MCFD2: variants seen among roughly 807,000 people sequenced by gnomAD.
MCFD2 encodes multiple coagulation factor deficiency 2, ER cargo receptor complex subunit.
Under a neutral mutation model 12.8 loss-of-function variants are expected in MCFD2, and 11 were observed. The observed-to-expected ratio is 0.86, with a 90% CI of 0.54 to 1.42. The LOEUF is 1.42. Ranked by LOEUF, MCFD2 falls within the 40% of genes most tolerant of loss-of-function variation. The pLI is 0.00. For missense variants in MCFD2, 191 were observed against 178.6 expected (o/e 1.07, Z -0.40); for synonymous variants, 70 against 68.1 (o/e 1.03, Z -0.14).
chr2:46,915,807 C>CGGGGGGGGGGGCG, upstream of MCFD2: 1 of 84,836 alleles, frequency 1.2e-5, no homozygotes, highest in Non-Finnish European at 1.5e-5. Context: ...CTCGGCTTCG[C>CGGGGGGGGGGGCG]CCCGCCCCCC....
chr2:46,937,881 G>C lies in MCFD2; in HGVS notation c.-8+3691C>G, dbSNP rs1457792715. Among the ~76,000 whole-genome samples, 2 of 152,190 alleles carry C rather than the reference G, an allele frequency of 1.3e-5. No individual in the cohort carries two copies. The highest frequency in any genetic ancestry group is 2.9e-5 in the Non-Finnish European group (2 of 68,034). ...TGCTGTAATTAGTTCTTTGTCAAGA[G>C]AGAAGTCTGTTCAGCAGGTCATGGA... On this transcript the variant is annotated intron_variant, in intron 1 of 2. Transcript: ENST00000409147. This position sits in a 1 kb window ranked among gnomAD's most constrained non-coding sequence, Gnocchi z 4.0.
chr2:46,905,681 A>G, intron 3 of MCFD2, 87 bp from the exon 4 acceptor site: 1 of 925,498 alleles, frequency 1.1e-6, no homozygotes, highest in East Asian at 2.6e-5. Flanking sequence ...ATGTTCTTTC[A>G]TGGCACTGTT....
Position 46,905,015 on chromosome 2 carries a change from A to C in MCFD2, c.*448T>G, listed in dbSNP as rs1668159513. ...CATGCTATTCTTGTGATAGTGAATAAGTTTCACAAGATCTGATGGCTTATC... is the reference window on the plus strand; with the variant it reads ...CATGCTATTCTTGTGATAGTGAATACGTTTCACAAGATCTGATGGCTTATC... On this transcript the variant is annotated 3_prime_UTR_variant, in exon 4 of 4. Coordinates refer to ENST00000319466, the MANE Select transcript of MCFD2 (RefSeq NM_139279.6). 6 of 272,070 alleles carry C rather than the reference A, an allele frequency of 2.2e-5. No individual in the cohort carries two copies. In the South Asian group the frequency reaches 2.5e-4, roughly 11 times the overall value. The allele number at this position is 272,070 out of a possible 1,614,324, so 16.9% of individuals were successfully genotyped here.
chr2:46,923,775 C>T (rs1291940612), intron 1 of MCFD2, among the ~76,000 whole-genome samples: 1 of 151,996 alleles, frequency 6.6e-6, no homozygotes, highest in Non-Finnish European at 1.5e-5. Flanking sequence ...TCTTGTCCAC[C>T]AGGCTGGAGT....
Position 46,915,740 on chromosome 2 carries a change from C to T in MCFD2, c.-24G>A. On this transcript the variant is annotated 5_prime_UTR_variant, in exon 1 of 4. Coordinates refer to ENST00000319466, the MANE Select transcript of MCFD2 (RefSeq NM_139279.6). ...TCACTCACCCTTACGGTCTCCGAAG[C>T]AGACGCGAAGCCCTCCAACGTGAGC... The T allele has an allele frequency of 1.0e-6, 1 of 980,494 alleles. No homozygotes were observed. Among genetic ancestry groups the T allele is most frequent in the Non-Finnish European group, 1.2e-6 (1 of 826,116 alleles). The allele number at this position is 980,494 out of a possible 1,614,324, so 60.7% of individuals were successfully genotyped here.
At chr2:46,906,119 G>A (rs904443791) in intron 3 of MCFD2, 24 of 410,236 alleles carry the variant, frequency 5.9e-5, no homozygotes, top group Admixed American at 3.9e-4. Context: ...CAGGGTTAGT[G>A]GGCTGAGGCT....
chr2:46,930,909 A>T (rs112344315), intron 1 of MCFD2, among the ~76,000 whole-genome samples: 4,183 of 152,322 alleles, frequency 0.027, 112 homozygotes, highest in African/African-American at 0.067. Flanking sequence ...AAAAGAAAAA[A>T]ATATATATAC....
intron 1 of MCFD2, among the ~76,000 whole-genome samples, chr2:46,928,845 G>C (rs71423929): frequency 1.2e-4 from 18 of 152,196 alleles, no homozygotes; most frequent in East Asian, 3.9e-4. Flanking sequence ...AGAGGGGTAG[G>C]GGGGGAAGCT....
chr2:46,929,354 G>A (rs1669572638), intron 1 of MCFD2, among the ~76,000 whole-genome samples: 1 of 152,034 alleles, frequency 6.6e-6, no homozygotes, highest in African/African-American at 2.4e-5. Context: ...GGCTGTGGTG[G>A]TACACACCTG....
At chr2:46,926,886 A>T (rs931336312) in intron 1 of MCFD2, among the ~76,000 whole-genome samples, 13 of 152,246 alleles carry the variant, frequency 8.5e-5, no homozygotes, top group African/African-American at 3.1e-4. Context: ...AAATTTAAAA[A>T]TTTTCACATG....
At chr2:46,914,568 G>GT (rs1359757598) in intron 1 of MCFD2, among the ~76,000 whole-genome samples, 1 of 152,092 alleles carries the variant, frequency 6.6e-6, no homozygotes, top group Non-Finnish European at 1.5e-5. Context: ...GGAGCCCAAG[G>GT]AGCACCCATG....
chr2:46,916,172 C>T (rs1346476619), upstream of MCFD2: 3 of 985,224 alleles, frequency 3.0e-6, no homozygotes, highest in African/African-American at 1.7e-5. Flanking sequence ...ATACAGGGCT[C>T]TTGGTTCAGG....
chr2:46,941,782 C>T lies in MCFD2; in HGVS notation c.-218G>A, dbSNP rs1670419658. 4 of 1,543,652 alleles carry T rather than the reference C, an allele frequency of 2.6e-6. No homozygotes were observed. The South Asian group carries it at 4.8e-5, about 18-fold the overall frequency. On this transcript the variant is annotated 5_prime_UTR_variant, in exon 1 of 3. Coordinates refer to the MCFD2 transcript ENST00000409147. This position sits in a 1 kb window ranked among gnomAD's most constrained non-coding sequence, Gnocchi z 4.2. ...GCGAGCGCGCGAAACGCACCGCCTCCTCCAGGAAGCGCGCCCAGACAGTCC... is the reference window on the plus strand; with the variant it reads ...GCGAGCGCGCGAAACGCACCGCCTCTTCCAGGAAGCGCGCCCAGACAGTCC...
At position 46,907,674 on chromosome 2, in the gene MCFD2, G is replaced by T; in HGVS notation, c.309+136C>A. The T allele has an allele frequency of 1.0e-6, 1 of 962,856 alleles. No individual in the cohort carries two copies. The highest frequency in any genetic ancestry group is 1.6e-6 in the Non-Finnish European group (1 of 615,258). 59.6% of individuals were successfully genotyped at this position (962,856 alleles called of 1,614,324 possible). ...GGCCTCCCAAAGTGCTGGGATTACAGATGCGAGCCATCATGCCCAGTGGAG... is the reference window on the plus strand; with the variant it reads ...GGCCTCCCAAAGTGCTGGGATTACATATGCGAGCCATCATGCCCAGTGGAG... On this transcript the variant is annotated intron_variant, in intron 3 of 3. Transcript: ENST00000319466. The surrounding 1 kb of genome is among the most constrained non-coding windows in gnomAD (Gnocchi z 4.1).
In MCFD2 at chr2:46,937,102, C is replaced by T. The variant is rs576567776; in HGVS notation, c.-8+4470G>A. Among the ~76,000 whole-genome samples, 176 of 152,224 alleles carry T rather than the reference C, an allele frequency of 1.2e-3. 1 individual carries two copies. Among genetic ancestry groups the T allele is most frequent in the African/African-American group, 4.1e-3 (172 of 41,536 alleles). On this transcript the variant is annotated intron_variant, in intron 1 of 2. Coordinates refer to the MCFD2 transcript ENST00000409147. This position sits in a 1 kb window ranked among gnomAD's most constrained non-coding sequence, Gnocchi z 4.0. ...AACTCCTGAGCTCAAGTGATCTGCC[C>T]ACCTTGGCCTCCCAAAGTGCTAGGA...
Position 46,915,382 on chromosome 2 carries a change from G to GGA in MCFD2, c.-7+339_-7+340dup, listed in dbSNP as rs1455035419. On this transcript the variant is annotated intron_variant, in intron 1 of 3. Coordinates refer to ENST00000319466, the MANE Select transcript of MCFD2 (RefSeq NM_139279.6). ...CCGAGAGAGGGAACAAGGAGCAGAG[G>GGA]GAGAGTAAGGCTTCCGGCCCGCTGC... Among the ~76,000 whole-genome samples the GGA allele has an allele frequency of 2.6e-5, 4 of 152,098 alleles. No homozygotes were observed. In the East Asian group the frequency reaches 7.8e-4, roughly 29 times the overall value.
chr2:46,905,650 TAAC>T (rs1323818441), intron 3 of MCFD2, 56 bp from the exon 4 acceptor site: 1 of 1,520,830 alleles, frequency 6.6e-7, no homozygotes, highest in Non-Finnish European at 9.1e-7. Context: ...AAGAAGTGCT[TAAC>T]TAACGTCCAA....
intron 1 of MCFD2, among the ~76,000 whole-genome samples, chr2:46,929,306 C>T (rs1443897425): frequency 6.6e-6 from 1 of 152,094 alleles, no homozygotes; most frequent in Admixed American, 6.5e-5. Flanking sequence ...TCAACATAGC[C>T]AGACCCCATG....
intron 1 of MCFD2, among the ~76,000 whole-genome samples, chr2:46,933,558 G>A (rs1180185746): frequency 6.6e-6 from 1 of 152,178 alleles, no homozygotes; most frequent in African/African-American, 2.4e-5. Flanking sequence ...CAACATTCTG[G>A]GAGGGCTGGT....
Sources: allele counts gnomAD v4.1 joint callset (sites outside exome capture counted in the v4.1 genomes callset), GRCh38; gene constraint gnomAD v4.1.1; non-coding constraint Gnocchi (gnomAD v3.1); transcripts MANE v1.5; gene names NCBI Gene and HGNC (gene_info 2026-07-23, HGNC 2026-07-21).